CTNNA2: variants seen among roughly 807,000 people sequenced by gnomAD.
CTNNA2 encodes catenin alpha 2.
In CTNNA2, 42 loss-of-function variants were observed where a neutral mutation model predicts 101.0. That is an observed-to-expected ratio of 0.42 (90% confidence interval 0.32 to 0.54). The LOEUF is 0.54. Ranked by LOEUF, CTNNA2 falls within the 20% of genes least tolerant of loss-of-function variation. The pLI is 0.14. For missense variants in CTNNA2, 871 were observed against 1,223.1 expected (o/e 0.71, Z 4.29); for synonymous variants, 450 against 456.4 (o/e 0.99, Z 0.18).
intron 6 of CTNNA2, among the ~76,000 whole-genome samples, chr2:79,897,626 C>G (rs543039705): frequency 3.3e-5 from 5 of 152,296 alleles, no homozygotes; most frequent in African/African-American, 1.2e-4. Flanking sequence ...AAGCAACCTA[C>G]TCAGCTAGAA....
chr2:79,670,466 A>G (rs1402452966), intron 2 of CTNNA2, among the ~76,000 whole-genome samples: 1 of 151,862 alleles, frequency 6.6e-6, no homozygotes, highest in Non-Finnish European at 1.5e-5. Context: ...CAGAAGACTG[A>G]CTCCATGGAG....
In CTNNA2 at chr2:80,432,276, A is replaced by G. The variant is rs139941149; in HGVS notation, c.1290+12675A>G. Among the ~76,000 whole-genome samples, 405 of 152,322 alleles carry G rather than the reference A, an allele frequency of 2.7e-3. 3 individuals are homozygous for G. Among genetic ancestry groups the G allele is most frequent in the African/African-American group, 8.9e-3 (369 of 41,574 alleles). Reference sequence around the variant, plus strand: ...GAGTATGTGTGTTAGACACATACACATGTTCTTTGATCTAAAGAACAGATT... The same window carrying G: ...GAGTATGTGTGTTAGACACATACACGTGTTCTTTGATCTAAAGAACAGATT... On this transcript the variant is annotated intron_variant, in intron 9 of 18. Coordinates refer to ENST00000402739, the MANE Select transcript of CTNNA2 (RefSeq NM_001282597.3).
At chr2:79,194,701 G>A (rs1171319289) in intron 1 of CTNNA2, among the ~76,000 whole-genome samples, 4 of 152,142 alleles carry the variant, frequency 2.6e-5, no homozygotes. Context: ...CTTGCCCTGT[G>A]TATATGTGAG....
intron 7 of CTNNA2, among the ~76,000 whole-genome samples, chr2:80,226,513 C>G (rs1032031586): frequency 6.6e-6 from 1 of 152,308 alleles, no homozygotes; most frequent in South Asian, 2.1e-4. Context: ...TGGTGGTGTA[C>G]ATCTCTCGGA....
Position 79,884,996 on chromosome 2 carries a change from G to C in CTNNA2, c.852+10654G>C, listed in dbSNP as rs571425998. On this transcript the variant is annotated intron_variant, in intron 6 of 18. Transcript: ENST00000402739. ...TCACTGCCCAAAGCTTATCCCAGTTGTAGGCTTCTCTGGGTGCACACAGAT... is the reference window on the plus strand; with the variant it reads ...TCACTGCCCAAAGCTTATCCCAGTTCTAGGCTTCTCTGGGTGCACACAGAT... Among the ~76,000 whole-genome samples the C allele has an allele frequency of 9.5e-4, 144 of 152,224 alleles. 1 individual carries two copies. The South Asian group carries it at 0.029, about 30-fold the overall frequency.
chr2:79,237,863 A>G (rs1674576800), intron 2 of CTNNA2, among the ~76,000 whole-genome samples: 1 of 152,172 alleles, frequency 6.6e-6, no homozygotes, highest in Admixed American at 6.5e-5. Context: ...ACTTTGGTTT[A>G]CGGGAATGTT....
intron 5 of CTNNA2, among the ~76,000 whole-genome samples, chr2:79,871,380 T>A (rs1682568162): frequency 6.6e-6 from 1 of 152,108 alleles, no homozygotes; most frequent in African/African-American, 2.4e-5. Context: ...GGTAGCCCAA[T>A]GTGTAATATA....
At chr2:79,570,710 A>G (rs1052549802) in intron 1 of CTNNA2, among the ~76,000 whole-genome samples, 1 of 152,172 alleles carries the variant, frequency 6.6e-6, no homozygotes, top group African/African-American at 2.4e-5. Flanking sequence ...ATAGCCCACT[A>G]TGTGTTTACT....
intron 3 of CTNNA2, among the ~76,000 whole-genome samples, chr2:79,342,134 A>C (rs900628668): frequency 6.6e-6 from 1 of 152,180 alleles, no homozygotes; most frequent in African/African-American, 2.4e-5. Context: ...CTCTTTACCC[A>C]ATATATAGCA....
At chr2:79,267,581 T>C (rs951052627) in intron 2 of CTNNA2, among the ~76,000 whole-genome samples, 29 of 152,272 alleles carry the variant, frequency 1.9e-4, no homozygotes, top group African/African-American at 7.0e-4. Flanking sequence ...AGATGACTAA[T>C]AGTAAAGGTA....
At chr2:79,817,213 T>G (rs1419357071) in intron 3 of CTNNA2, among the ~76,000 whole-genome samples, 4 of 151,950 alleles carry the variant, frequency 2.6e-5, no homozygotes, top group African/African-American at 9.6e-5. Flanking sequence ...CAGTCCCTGG[T>G]GTGTGATGTG....
chr2:79,611,755 A>C (rs576155603), intron 1 of CTNNA2, among the ~76,000 whole-genome samples: 125 of 152,278 alleles, frequency 8.2e-4, no homozygotes, highest in Middle Eastern at 3.4e-3. Context: ...GATTTACTGC[A>C]GTATGAGAAG....
At position 80,302,666 on chromosome 2, in the gene CTNNA2, C is replaced by T. The variant is rs1280311753; in HGVS notation, c.1057-90545C>T. On this transcript the variant is annotated intron_variant, in intron 7 of 18. Transcript: ENST00000402739. This position sits in a 1 kb window ranked among gnomAD's most constrained non-coding sequence, Gnocchi z 6.4. ...CGTGGTGGCCGAGCTGGCAGGGGGCCCCAGATCACTGCGGTTGGTGACGGC... is the reference window on the plus strand; with the variant it reads ...CGTGGTGGCCGAGCTGGCAGGGGGCTCCAGATCACTGCGGTTGGTGACGGC... 1 of 1,611,360 alleles carries T rather than the reference C, an allele frequency of 6.2e-7. No homozygotes were observed. Among genetic ancestry groups the T allele is most frequent in the Admixed American group, 1.7e-5 (1 of 59,966 alleles).
intron 2 of CTNNA2, among the ~76,000 whole-genome samples, chr2:79,222,491 C>T (rs962884901): frequency 6.6e-6 from 1 of 152,158 alleles, no homozygotes; most frequent in African/African-American, 2.4e-5. Context: ...CGAGCTGACC[C>T]ATCCAGCTTT....
intron 2 of CTNNA2, among the ~76,000 whole-genome samples, chr2:79,229,499 C>T (rs1674463529): frequency 6.6e-6 from 1 of 152,160 alleles, no homozygotes; most frequent in Non-Finnish European, 1.5e-5. Flanking sequence ...TGACCTTCCC[C>T]AGCCACCTGG....
In CTNNA2 at chr2:80,648,315, C is replaced by T. The variant is rs528622092; in HGVS notation, c.*443C>T. On this transcript the variant is annotated 3_prime_UTR_variant, in exon 19 of 19. Transcript: ENST00000402739. ...GCTTCTGTTTCAGTGCAAAAATGTA[C>T]TAGCCAATACGCTTAAGTGTGTGGC... The T allele has an allele frequency of 6.5e-6, 1 of 154,196 alleles. No individual in the cohort carries two copies. Among genetic ancestry groups the T allele is most frequent in the Non-Finnish European group, 1.4e-5 (1 of 69,128 alleles). The allele number at this position is 154,196 out of a possible 1,614,324, so 9.6% of individuals were successfully genotyped here.
intron 18 of CTNNA2, among the ~76,000 whole-genome samples, chr2:80,636,969 C>T (rs1473357768): frequency 6.6e-6 from 1 of 152,098 alleles, no homozygotes; most frequent in African/African-American, 2.4e-5. Flanking sequence ...TTTTCCTATT[C>T]CCCTCATGAA....
At chr2:80,544,060 C>T (rs907133695) in intron 9 of CTNNA2, among the ~76,000 whole-genome samples, 4 of 152,108 alleles carry the variant, frequency 2.6e-5, no homozygotes, top group Non-Finnish European at 4.4e-5. Flanking sequence ...ATTACCAACT[C>T]TCCTTCAAGA....
chr2:80,241,679 C>A (rs1670956012), intron 7 of CTNNA2, among the ~76,000 whole-genome samples: 1 of 151,672 alleles, frequency 6.6e-6, no homozygotes, highest in African/African-American at 2.4e-5. Context: ...AAGATAAATT[C>A]ATCTGTATAG....
Sources: allele counts gnomAD v4.1 joint callset (sites outside exome capture counted in the v4.1 genomes callset), GRCh38; gene constraint gnomAD v4.1.1; non-coding constraint Gnocchi (gnomAD v3.1); transcripts MANE v1.5; gene names NCBI Gene and HGNC (gene_info 2026-07-23, HGNC 2026-07-21).